Variants in TEX26 observed in about 807,000 individuals in gnomAD.
The protein encoded by TEX26 is testis expressed 26, also known as testis-expressed protein 26.
Under a neutral mutation model 35.3 loss-of-function variants are expected in TEX26, and 34 were observed. That is an observed-to-expected ratio of 0.96 (90% CI 0.73 to 1.28). The LOEUF (loss-of-function observed/expected upper bound fraction) is 1.28. Among genes scored for constraint, TEX26 ranks in the 50% most tolerant of loss-of-function variants. The probability of loss-of-function intolerance (pLI) is 0.00; values close to 1 mark genes in which losing one functional copy is unlikely to be tolerated. For missense variants in TEX26, 371 were observed against 330.1 expected (o/e 1.12, Z -0.96); for synonymous variants, 136 against 111.8 (o/e 1.22, Z -1.36).
rs530093863 is a variant in TEX26, at chr13:30,947,506, G to T, written c.147-5154G>T. Among the ~76,000 whole-genome samples the T allele has an allele frequency of 1.3e-4, 20 of 152,120 alleles. No individual in the cohort carries two copies. The East Asian group carries it at 3.7e-3, about 28-fold the overall frequency. ...TTAATGACTGATCAGCTGACAACTT[G>T]GTTCGGTACTCCTTAAATTTTATTG... is the stretch of plus-strand genomic sequence containing the variant. On this transcript the variant is annotated intron_variant, in intron 2 of 6. Coordinates refer to ENST00000380473, the MANE Select transcript of TEX26 (RefSeq NM_152325.3).
At chr13:30,970,083 C>T (rs145341013) in intron 6 of TEX26, among the ~76,000 whole-genome samples, 59 of 152,142 alleles carry the variant, frequency 3.9e-4, no homozygotes, top group African/African-American at 1.3e-3. Context: ...GAAATCCTCG[C>T]TGAAACCCTC....
At chr13:30,973,301 A>G (rs1038383010) in intron 6 of TEX26, 1 of 152,220 alleles carries the variant, frequency 6.6e-6, no homozygotes, top group African/African-American at 2.4e-5. Context: ...GTATGATTTC[A>G]TTTATTTGAA....
intron 1 of TEX26, among the ~76,000 whole-genome samples, chr13:30,937,288 G>A (rs932783554): frequency 6.6e-5 from 10 of 152,172 alleles, no homozygotes; most frequent in Admixed American, 2.0e-4. Flanking sequence ...ACACAGAGGG[G>A]CGTGTCGTGC....
At chr13:30,969,371 T>C (rs986699616) in intron 6 of TEX26, among the ~76,000 whole-genome samples, 1 of 152,174 alleles carries the variant, frequency 6.6e-6, no homozygotes, top group Admixed American at 6.6e-5. Context: ...CTCCTTTGGG[T>C]GTTTGTACAG....
Position 30,975,088 on chromosome 13 carries a change from A to G in TEX26, c.*181A>G. Reference sequence around the variant, plus strand: ...TTTAAACAATAAAATTAAGGCTACAAAATTTTCCCTGAACATAGCTTTAGC... The same window carrying G: ...TTTAAACAATAAAATTAAGGCTACAGAATTTTCCCTGAACATAGCTTTAGC... On this transcript the variant is annotated 3_prime_UTR_variant, in exon 7 of 7. Coordinates refer to ENST00000380473, the MANE Select transcript of TEX26 (RefSeq NM_152325.3). 5 of 465,084 alleles carry G rather than the reference A, an allele frequency of 1.1e-5. No individual in the cohort carries two copies. The highest frequency in any genetic ancestry group is 1.9e-5 in the Non-Finnish European group (5 of 268,606). 28.8% of individuals were successfully genotyped at this position (465,084 alleles called of 1,614,324 possible).
intron 6 of TEX26, 137 bp from the exon 7 acceptor site, chr13:30,974,709 C>T: frequency 1.4e-5 from 10 of 716,500 alleles, no homozygotes; most frequent in Non-Finnish European, 2.2e-5. Context: ...GTATAATAGC[C>T]TGCTATTATT....
Position 30,966,294 on chromosome 13 carries a change from A to C in TEX26, c.542A>C (p.Glu181Ala). 6.2e-7 allele frequency: 1 copy of C among 1,614,134 alleles called. No individual in the cohort carries two copies. Among genetic ancestry groups the C allele is most frequent in the Non-Finnish European group, 8.5e-7 (1 of 1,180,026 alleles). ...TTACTTCCCCAACCTCCAGACACTG[A>C]ATTCCGAAGGAATTACCAAATTCCA... ...KKLLPQPPDT[E>A]FRRNYQIPAK... The change falls in exon 5 of 7, where the codon GAA becomes GCA. Residue 181 changes from glutamate (E) to alanine (A), a missense_variant. Transcript: ENST00000380473.
At chr13:30,966,154 G>GC in intron 4 of TEX26, 68 bp from the exon 5 acceptor site, 4 of 1,552,418 alleles carry the variant, frequency 2.6e-6, no homozygotes, top group Non-Finnish European at 3.5e-6. Flanking sequence ...TCTAAACACA[G>GC]CAAGAGTGGG....
At chr13:30,968,783 G>A in intron 5 of TEX26, 102 bp from the exon 6 acceptor site, 2 of 1,107,052 alleles carry the variant, frequency 1.8e-6, no homozygotes, top group South Asian at 3.2e-5. Context: ...TAAGCTCAAA[G>A]CTGGGCTGGG....
In TEX26 at chr13:30,974,984, T is replaced by C. The variant is rs2138370114; in HGVS notation, c.*77T>C. 5.8e-6 allele frequency: 6 copies of C among 1,035,952 alleles called. No individual in the cohort carries two copies. In the Middle Eastern group the frequency reaches 8.3e-4, roughly 144 times the overall value. 64.2% of individuals were successfully genotyped at this position (1,035,952 alleles called of 1,614,324 possible). Reference sequence around the variant, plus strand: ...GGACATTCCTAGTCATTTTCTCAATTATCAAGGAAAAATAAGATGCAAATA... The same window carrying C: ...GGACATTCCTAGTCATTTTCTCAATCATCAAGGAAAAATAAGATGCAAATA... On this transcript the variant is annotated 3_prime_UTR_variant, in exon 7 of 7. Coordinates refer to ENST00000380473, the MANE Select transcript of TEX26 (RefSeq NM_152325.3).
chr13:30,935,273 G>T (rs377427953), intron 1 of TEX26, among the ~76,000 whole-genome samples: 1 of 152,230 alleles, frequency 6.6e-6, no homozygotes, highest in East Asian at 1.9e-4. Context: ...TGGGTGGAAG[G>T]GGCTGGGGTC....
In TEX26 at chr13:30,937,109, G is replaced by T. The variant is rs142997669; in HGVS notation, c.62-2585G>T. 167 of 511,450 alleles carry T rather than the reference G, an allele frequency of 3.3e-4. 1 individual carries two copies. The African/African-American group carries it at 3.4e-3, about 10-fold the overall frequency. 31.7% of individuals were successfully genotyped at this position (511,450 alleles called of 1,614,324 possible). On this transcript the variant is annotated intron_variant, in intron 1 of 6. Coordinates refer to ENST00000380473, the MANE Select transcript of TEX26 (RefSeq NM_152325.3). ...GGATTAGGGAGTGGAGGGTGTGCCT[G>T]ATCTGTACAAAGGTAACAATGGAAG...
Position 30,974,701 on chromosome 13 carries a change from A to G in TEX26, c.809-145A>G. On this transcript the variant is annotated intron_variant, in intron 6 of 6. Transcript: ENST00000380473. ...AACTGTGCCTGTTTAGGTATTAGGT[A>G]TAATAGCCTGCTATTATTTTGGTCT... is the stretch of plus-strand genomic sequence containing the variant. 4 of 685,038 alleles carry G rather than the reference A, an allele frequency of 5.8e-6. No individual in the cohort carries two copies. The South Asian group carries it at 6.2e-5, about 11-fold the overall frequency. 42.4% of individuals were successfully genotyped at this position (685,038 alleles called of 1,614,324 possible). A position where few individuals can be genotyped will look rare whatever the true frequency, so the allele number is the denominator to read the frequency against.
At chr13:30,952,001 A>AT (rs751918742) in intron 2 of TEX26, among the ~76,000 whole-genome samples, 5 of 50,714 alleles carry the variant, frequency 9.9e-5, no homozygotes, top group African/African-American at 4.0e-4. Flanking sequence ...TTATTCTGGG[A>AT]TTTTTTTTTT....
chr13:30,959,309 T>G (rs980526874), intron 4 of TEX26, among the ~76,000 whole-genome samples: 1 of 152,218 alleles, frequency 6.6e-6, no homozygotes, highest in African/African-American at 2.4e-5. Flanking sequence ...AATTTCAATC[T>G]GGTTAACTAT....
At chr13:30,956,749 T>C (rs574401823) in intron 3 of TEX26, 124 bp from the exon 4 acceptor site, 3 of 832,268 alleles carry the variant, frequency 3.6e-6, no homozygotes, top group East Asian at 2.6e-5. Context: ...CCAGCATCCA[T>C]GCACCTGCAG....
chr13:30,948,421 T>C (rs1362957302), intron 2 of TEX26, among the ~76,000 whole-genome samples: 1 of 152,218 alleles, frequency 6.6e-6, no homozygotes, highest in African/African-American at 2.4e-5. Flanking sequence ...GACTTTTTAA[T>C]GATTGCCATT....
intron 4 of TEX26, among the ~76,000 whole-genome samples, chr13:30,959,546 G>A (rs1370420060): frequency 6.6e-6 from 1 of 152,174 alleles, no homozygotes; most frequent in Admixed American, 6.5e-5. Context: ...ACATGAGTAC[G>A]TAAATGTTTG....
At chr13:30,946,813 T>C (rs981262559) in intron 2 of TEX26, among the ~76,000 whole-genome samples, 2 of 152,204 alleles carry the variant, frequency 1.3e-5, no homozygotes, top group East Asian at 1.9e-4. Flanking sequence ...ATCCTGCATA[T>C]TGACATTTTA....
Sources: gnomAD v4.1 joint callset for allele counts (sites outside exome capture counted in the v4.1 genomes callset) on GRCh38, gnomAD v4.1.1 for gene constraint, MANE v1.5 for transcripts, NCBI Gene and HGNC (gene_info 2026-07-23, HGNC 2026-07-21) for gene names.